NOD2: variants seen among roughly 807,000 people sequenced by gnomAD.
NOD2 encodes the protein nucleotide-binding oligomerization domain-containing protein 2.
In NOD2, 86 loss-of-function variants were observed where a neutral mutation model predicts 90.9. The observed-to-expected ratio is 0.95, with a 90% CI of 0.79 to 1.13. The LOEUF (loss-of-function observed/expected upper bound fraction) is 1.13, where lower values mean the gene tolerates loss of function less well. Ranked by LOEUF, NOD2 falls within the 50% of genes most tolerant of loss-of-function variation. The probability of loss-of-function intolerance (pLI) is 0.00; values close to 1 mark genes in which losing one functional copy is unlikely to be tolerated. For missense variants in NOD2, 1,238 were observed against 1,283.8 expected (o/e 0.96, Z 0.55); for synonymous variants, 581 against 554.6 (o/e 1.05, Z -0.67).
intron 2 of NOD2, 128 bp downstream of exon 2, chr16:50,700,082 C>T: frequency 1.2e-6 from 1 of 825,502 alleles, no homozygotes; most frequent in Non-Finnish European, 2.0e-6. Context: ...AAAAAGGTAG[C>T]CAGGCAGGTA....
intron 2 of NOD2, among the ~76,000 whole-genome samples, chr16:50,707,363 T>C (rs982282462): frequency 6.6e-6 from 1 of 152,094 alleles, no homozygotes; most frequent in Non-Finnish European, 1.5e-5. Context: ...GGTTAGGAGT[T>C]TAGTTTTGAA....
In NOD2 at chr16:50,697,635, T is replaced by G. The variant is rs190512896; in HGVS notation, c.-8-1853T>G. ...CACCCTCTTGGCTCCTCTGCTTAGA[T>G]GTGGGCACAAGGAGGAGAACTCCTT... On this transcript the variant is annotated intron_variant, in intron 1 of 11. Coordinates refer to ENST00000647318, the MANE Select transcript of NOD2 (RefSeq NM_001370466.1). 6.2e-5 allele frequency: 26 copies of G among 417,804 alleles called. No homozygotes were observed. The East Asian group carries it at 1.4e-3, about 22-fold the overall frequency. The allele number at this position is 417,804 out of a possible 1,614,324, so 25.9% of individuals were successfully genotyped here.
In NOD2 at chr16:50,715,902, C is replaced by T. The variant is rs540163221; in HGVS notation, c.2382-685C>T. ...AATATACAGATTCCTGGGCCCCACC[C>T]CGCAGATACTTGATTGCCAGCTCCA... On this transcript the variant is annotated intron_variant, in intron 4 of 11. Coordinates refer to ENST00000647318, the MANE Select transcript of NOD2 (RefSeq NM_001370466.1). 2.6e-5 allele frequency: 4 copies of T among 154,206 alleles called. 1 individual carries two copies. Among genetic ancestry groups the T allele is most frequent in the African/African-American group, 7.2e-5 (3 of 41,576 alleles). The allele number at this position is 154,206 out of a possible 1,614,324, so 9.6% of individuals were successfully genotyped here. A position where few individuals can be genotyped will look rare whatever the true frequency, so the allele number is the denominator to read the frequency against.
At chr16:50,693,848 T>A (rs370498233) in intron 1 of NOD2, among the ~76,000 whole-genome samples, 186 bp downstream of exon 1, 3 of 152,134 alleles carry the variant, frequency 2.0e-5, no homozygotes, top group East Asian at 1.9e-4. Flanking sequence ...AAAGGGGGCA[T>A]CTCGAGGTTG....
intron 9 of NOD2, among the ~76,000 whole-genome samples, chr16:50,725,024 A>G (rs935239455): frequency 1.6e-4 from 24 of 152,168 alleles, no homozygotes; most frequent in African/African-American, 5.1e-4. Flanking sequence ...GATTCGATCT[A>G]TATACCCAGG....
intron 6 of NOD2, among the ~76,000 whole-genome samples, chr16:50,719,575 G>T (rs914224691): frequency 6.6e-6 from 1 of 152,198 alleles, no homozygotes; most frequent in African/African-American, 2.4e-5. Flanking sequence ...GGCACGATGG[G>T]GTCTGGATCG....
Position 50,729,867 on chromosome 16 carries a change from G to T in NOD2, c.2935G>T (p.Ala979Ser). 1 of 1,613,228 alleles carries T rather than the reference G, an allele frequency of 6.2e-7. No homozygotes were observed. The change falls in exon 11 of 12, where the codon GCC becomes TCC. Residue 979 changes from alanine to serine, a missense_variant. Ala to Ser is a moderately conservative substitution (Grantham distance 99, BLOSUM62 1). Transcript: ENST00000647318. Reference protein sequence around the residue: ...TYLGAEALLQALERNDTILEV... With the variant: ...TYLGAEALLQSLERNDTILEV... ...CCTAGGGGCAGAAGCCCTCCTGCAG[G>T]CCCTTGAAAGGAATGACACCATCCT...
intron 2 of NOD2, among the ~76,000 whole-genome samples, chr16:50,703,331 C>T (rs900911468): frequency 6.6e-6 from 1 of 152,098 alleles, no homozygotes; most frequent in African/African-American, 2.4e-5. Flanking sequence ...CCAAAAATAG[C>T]TGTGTAAAGA....
At position 50,712,251 on chromosome 16, in the gene NOD2, T is replaced by C. The variant is rs563698283; in HGVS notation, c.2259T>C (p.Ala753=). Residue 753 remains alanine, a synonymous_variant, in exon 4 of 12, where the codon GCT becomes GCC. Transcript: ENST00000647318. ...GCAGTGTGGGCCCCACTGAGTGTGC[T>C]GCCCTGGCCTTTGTGCTGCAGCACC... ...TFCSVGPTEC[A]ALAFVLQHLR... The C allele has an allele frequency of 6.2e-7, 1 of 1,613,952 alleles. No individual in the cohort carries two copies. The highest frequency in any genetic ancestry group is 1.1e-5 in the South Asian group (1 of 91,090).
chr16:50,722,515 C>T, intron 7 of NOD2, 107 bp from the exon 8 acceptor site: 1 of 1,085,584 alleles, frequency 9.2e-7, no homozygotes, highest in Non-Finnish European at 1.4e-6. Context: ...TTGAGTGGTC[C>T]TGCCCCTCTG....
chr16:50,718,406 G>A (rs757847014), intron 6 of NOD2, among the ~76,000 whole-genome samples: 8 of 152,216 alleles, frequency 5.3e-5, no homozygotes, highest in Non-Finnish European at 8.8e-5. Context: ...TCCTGGGTGG[G>A]ATGGAGCTGG....
chr16:50,708,304 G>A (rs1964296399), intron 3 of NOD2, among the ~76,000 whole-genome samples: 1 of 152,108 alleles, frequency 6.6e-6, no homozygotes, highest in African/African-American at 2.4e-5. Flanking sequence ...AGTTAGGGCT[G>A]GTATCTCTTG....
In NOD2 at chr16:50,699,905, A is replaced by C. The variant is rs1365186140; in HGVS notation, c.410A>C (p.Gln137Pro). ...DLAWERGFVS[Q>P]YECDEIRLPI... ...GCATGGGAGCGGGGTTTCGTCAGCC[A>C]GTATGAATGTGATGAAATCAGGTTG... is the stretch of plus-strand genomic sequence containing the variant. Residue 137 changes from glutamine (Q) to proline (P), a missense_variant, in exon 2 of 12, where the codon CAG becomes CCG. Gln to Pro is a moderately conservative substitution (Grantham distance 76). Coordinates refer to ENST00000647318, the MANE Select transcript of NOD2 (RefSeq NM_001370466.1). 6.2e-7 allele frequency: 1 copy of C among 1,612,046 alleles called. No homozygotes were observed. Among genetic ancestry groups the C allele is most frequent in the Non-Finnish European group, 8.5e-7 (1 of 1,180,018 alleles).
intron 3 of NOD2, among the ~76,000 whole-genome samples, chr16:50,708,248 C>T (rs111475857): frequency 6.6e-6 from 1 of 152,316 alleles, no homozygotes; most frequent in African/African-American, 2.4e-5. Context: ...TACTTACCAT[C>T]CAAACTCTCA....
chr16:50,712,641 G>T, intron 4 of NOD2: 1 of 536,474 alleles, frequency 1.9e-6, no homozygotes, highest in Non-Finnish European at 3.4e-6. Context: ...CTGGCGGGTA[G>T]GCAGGAATGT....
Position 50,711,985 on chromosome 16 carries a change from G to A in NOD2, c.1993G>A (p.Glu665Lys), listed in dbSNP as rs143782684. ...CCGGGAGCACTGGGGCCTGCTGGCT[G>A]AGTGCCAGACATCTGAGAAGGCCCT... ...LSREHWGLLA[E>K]CQTSEKALLR... Residue 665 changes from glutamate to lysine, a missense_variant, in exon 4 of 12, where the codon GAG becomes AAG. Physicochemically the swap from Glu to Lys is moderately conservative, Grantham distance 56. This residue lies in a region of NOD2 where 667 missense variants were observed against 688.7 expected (regional missense o/e 0.97). Transcript: ENST00000647318. 4 of 1,613,376 alleles carry A rather than the reference G, an allele frequency of 2.5e-6. No individual in the cohort carries two copies. Among genetic ancestry groups the A allele is most frequent in the Non-Finnish European group, 3.4e-6 (4 of 1,179,894 alleles).
At position 50,704,077 on chromosome 16, in the gene NOD2, G is replaced by A. The variant is rs143380517; in HGVS notation, c.460-3778G>A. On this transcript the variant is annotated intron_variant, in intron 2 of 11. Transcript: ENST00000647318. ...GAGGCAGCGGGAGTTGAAAAGAAAC[G>A]ATATTAGTTCATGGTGAAGACAAGT... Among the ~76,000 whole-genome samples, 517 of 152,316 alleles carry A rather than the reference G, an allele frequency of 3.4e-3. 2 individuals carry two copies. The highest frequency in any genetic ancestry group is 6.0e-3 in the Non-Finnish European group (409 of 68,032).
chr16:50,704,909 C>T (rs2150794161), intron 2 of NOD2, among the ~76,000 whole-genome samples: 1 of 152,310 alleles, frequency 6.6e-6, no homozygotes, highest in South Asian at 2.1e-4. Context: ...CCTTGGTGTT[C>T]TTCCATTATG....
rs184545855 is a variant in NOD2 at position 50,731,908 on chromosome 16, C to G, written c.*89C>G. The G allele has an allele frequency of 1.1e-6, 1 of 952,126 alleles. No homozygotes were observed. Among genetic ancestry groups the G allele is most frequent in the African/African-American group, 1.6e-5 (1 of 62,524 alleles). The allele number at this position is 952,126 out of a possible 1,614,324, so 59.0% of individuals were successfully genotyped here. A position where few individuals can be genotyped will look rare whatever the true frequency, so the allele number is the denominator to read the frequency against. Reference sequence around the variant, plus strand: ...GCTGGGTGACATGTGTTGGCAGCCTCTTCAAAATGAGCCCTGTCCTGCCTA... The same window carrying G: ...GCTGGGTGACATGTGTTGGCAGCCTGTTCAAAATGAGCCCTGTCCTGCCTA... On this transcript the variant is annotated 3_prime_UTR_variant, in exon 12 of 12. Coordinates refer to ENST00000647318, the MANE Select transcript of NOD2 (RefSeq NM_001370466.1).
Sources: allele counts gnomAD v4.1 joint callset (sites outside exome capture counted in the v4.1 genomes callset), GRCh38; gene constraint gnomAD v4.1.1; regional missense constraint gnomAD v4.1.1; transcripts MANE v1.5; gene names NCBI Gene and HGNC (gene_info 2026-07-23, HGNC 2026-07-21).